CFAP126: variants seen among roughly 807,000 people sequenced by gnomAD.
CFAP126 encodes protein Flattop.
A neutral mutation model predicts 17.1 loss-of-function variants in CFAP126; 21 were observed. The observed-to-expected ratio is 1.23, with a 90% CI of 0.87 to 1.77. The LOEUF (loss-of-function observed/expected upper bound fraction) is 1.77. Ranked by LOEUF, CFAP126 falls within the 40% of genes most tolerant of loss-of-function variation. The probability of loss-of-function intolerance (pLI) is 0.00; values close to 1 mark genes in which losing one functional copy is unlikely to be tolerated. For missense variants in CFAP126, 174 were observed against 215.4 expected (o/e 0.81, Z 1.20); for synonymous variants, 65 against 73.5 (o/e 0.88, Z 0.59).
intron 1 of CFAP126, chr1:161,366,777 TTTTC>T: frequency 2.3e-6 from 1 of 437,604 alleles, no homozygotes; most frequent in Non-Finnish European, 4.0e-6. Context: ...AGTTTTTTTC[TTTTC>T]TTTTTTTTTT....
rs551537284 is a variant in CFAP126, at chr1:161,365,009, A to G, written c.490T>C (p.Ser164Pro). The G allele has an allele frequency of 5.6e-6, 9 of 1,614,130 alleles. No homozygotes were observed. In the South Asian group the frequency reaches 8.8e-5, roughly 16 times the overall value. Residue 164 changes from serine to proline, a missense_variant, in exon 5 of 5, where the codon TCT (serine) becomes CCT (proline). Ser to Pro is a moderately conservative substitution (Grantham distance 74). Coordinates refer to ENST00000367974, the MANE Select transcript of CFAP126 (RefSeq NM_001013625.4). ...SPDELQSSHPSAGHTPGPQRP... is the reference protein window; with the variant it reads ...SPDELQSSHPPAGHTPGPQRP... The stretch of plus-strand genomic sequence containing the variant: ...TGGGGACCTGGAGTATGACCTGCAG[A>G]GGGGTGTGAGCTTTGGAGTTCATCT...
At chr1:161,365,767 A>G (rs1018472327) in intron 3 of CFAP126, 65 bp from the exon 4 acceptor site, 3 of 1,371,060 alleles carry the variant, frequency 2.2e-6, no homozygotes, top group Non-Finnish European at 3.0e-6. Context: ...AGACCTCTGT[A>G]TTATTTCCTT....
rs1179016547 is a variant in CFAP126, at chr1:161,367,681, G to T, written c.27+161C>A. On this transcript the variant is annotated intron_variant, in intron 1 of 4. Coordinates refer to ENST00000367974, the MANE Select transcript of CFAP126 (RefSeq NM_001013625.4). ...CAAATTTAACCAAGAGATACCTTTG[G>T]ATCGCCCCTGGGCTCTCTCTATCCC... 6.8e-6 allele frequency: 4 copies of T among 587,240 alleles called. No individual in the cohort carries two copies. The East Asian group carries it at 1.2e-4, about 17-fold the overall frequency. 36.4% of individuals were successfully genotyped at this position (587,240 alleles called of 1,614,324 possible).
At position 161,367,855 on chromosome 1, in the gene CFAP126, T is replaced by A; in HGVS notation, c.14A>T (p.Tyr5Phe). ...ATGGGAACTTACCTGGTTGGCACTG[T>A]AGTTAGTGGCCATGATCTTGTGCTG... MATNYSANQYEKAFS... is the reference protein window; with the variant it reads MATNFSANQYEKAFS... The change falls in exon 1 of 5, where the codon TAC becomes TTC. Residue 5 changes from tyrosine to phenylalanine, a missense_variant. Transcript: ENST00000367974. 6.2e-7 allele frequency: 1 copy of A among 1,614,074 alleles called. No homozygotes were observed. Among genetic ancestry groups the A allele is most frequent in the Non-Finnish European group, 8.5e-7 (1 of 1,179,930 alleles).
chr1:161,365,342 G>A, intron 4 of CFAP126, 184 bp downstream of exon 4: 1 of 892,828 alleles, frequency 1.1e-6, no homozygotes, highest in Non-Finnish European at 1.7e-6. Context: ...TTCTACTGTT[G>A]GGGGTATGAT....
At position 161,364,994 on chromosome 1, in the gene CFAP126, G is replaced by A. The variant is rs765277909; in HGVS notation, c.505C>T (p.Pro169Ser). 3 of 1,614,188 alleles carry A rather than the reference G, an allele frequency of 1.9e-6. No homozygotes were observed. The highest frequency in any genetic ancestry group is 2.5e-6 in the Non-Finnish European group (3 of 1,180,032). Residue 169 changes from proline to serine, a missense_variant, in exon 5 of 5, where the codon CCA (proline) becomes TCA (serine). Coordinates refer to ENST00000367974, the MANE Select transcript of CFAP126 (RefSeq NM_001013625.4). The stretch of plus-strand genomic sequence containing the variant: ...GATTTGGCTGGTCTTTGGGGACCTG[G>A]AGTATGACCTGCAGAGGGGTGTGAG... Reference protein sequence around the residue: ...QSSHPSAGHTPGPQRPAKS With the variant: ...QSSHPSAGHTSGPQRPAKS
rs1338074540 is a variant in CFAP126, at chr1:161,365,585, G to C, written c.289C>G (p.Gln97Glu). The C allele has an allele frequency of 2.5e-6, 4 of 1,614,044 alleles. No individual in the cohort carries two copies. Among genetic ancestry groups the C allele is most frequent in the Middle Eastern group, 1.6e-4 (1 of 6,084 alleles). ...AGAASLTKWI[Q>E]KNPDLLKASN... ...GCCTTGAGTAAATCAGGATTTTTCT[G>C]TATCCATTTGGTGAGGGAGGCAGCA... Residue 97 changes from glutamine to glutamate, a missense_variant, in exon 4 of 5, where the codon CAG becomes GAG. By Grantham distance (29) the Gln-to-Glu change is conservative (BLOSUM62 2). Transcript: ENST00000367974.
intron 3 of CFAP126, 49 bp from the exon 4 acceptor site, chr1:161,365,751 T>A: frequency 3.4e-6 from 5 of 1,459,154 alleles, no homozygotes; most frequent in Non-Finnish European, 4.6e-6. Flanking sequence ...TCCCAGTAAC[T>A]GACTTAGACC....
intron 1 of CFAP126, chr1:161,367,370 A>G (rs1330419057): frequency 1.3e-5 from 2 of 154,214 alleles, no homozygotes; most frequent in African/African-American, 4.8e-5. Flanking sequence ...ATTTTTATAG[A>G]TGAACATTTA....
intron 2 of CFAP126, 42 bp downstream of exon 2, chr1:161,366,397 A>C: frequency 6.3e-7 from 1 of 1,592,444 alleles, no homozygotes; most frequent in Non-Finnish European, 8.6e-7. Flanking sequence ...ATTGACAGGG[A>C]GAGCATGAGG....
At chr1:161,365,384 G>T (rs1672692883) in intron 4 of CFAP126, 142 bp downstream of exon 4, 1 of 1,045,452 alleles carries the variant, frequency 9.6e-7, no homozygotes, top group Non-Finnish European at 1.4e-6. Flanking sequence ...GCCTCAGAAG[G>T]TGATTAAGGA....
chr1:161,365,843 AT>A, intron 3 of CFAP126, 141 bp from the exon 4 acceptor site: 2 of 834,404 alleles, frequency 2.4e-6, no homozygotes, highest in Non-Finnish European at 1.9e-6. Flanking sequence ...ACCCTTCCTT[AT>A]CCCCCTCCCT....
chr1:161,365,871 G>A (rs1199765066), intron 3 of CFAP126, 169 bp from the exon 4 acceptor site: 1 of 721,074 alleles, frequency 1.4e-6, no homozygotes, highest in Non-Finnish European at 2.2e-6. Context: ...GGCTTTGCAG[G>A]CCTAATTTTT....
chr1:161,364,892 T>G lies in CFAP126; in HGVS notation c.*73A>C. The G allele has an allele frequency of 7.0e-7, 1 of 1,424,282 alleles. No homozygotes were observed. Among genetic ancestry groups the G allele is most frequent in the Non-Finnish European group, 9.7e-7 (1 of 1,025,852 alleles). The allele number at this position is 1,424,282 out of a possible 1,614,324, so 88.2% of individuals were successfully genotyped here. A position where few individuals can be genotyped will look rare whatever the true frequency, so the allele number is the denominator to read the frequency against. ...CACTTGGTCCATATGAAGTTCCAGG[T>G]TTGTATTTCTGGACCTCAGCTAGAT... On this transcript the variant is annotated 3_prime_UTR_variant, in exon 5 of 5. Transcript: ENST00000367974.
At position 161,364,795 on chromosome 1, in the gene CFAP126, C is replaced by G. The variant is rs919545995; in HGVS notation, c.*170G>C. On this transcript the variant is annotated 3_prime_UTR_variant, in exon 5 of 5. Coordinates refer to ENST00000367974, the MANE Select transcript of CFAP126 (RefSeq NM_001013625.4). ...CTTTTACTCCCACCCCAAAATTTCCCTGTTTCACAGTTCTGACTGGGGGCT... is the reference window on the plus strand; with the variant it reads ...CTTTTACTCCCACCCCAAAATTTCCGTGTTTCACAGTTCTGACTGGGGGCT... The G allele has an allele frequency of 1.6e-6, 1 of 615,602 alleles. No individual in the cohort carries two copies. Among genetic ancestry groups the G allele is most frequent in the African/African-American group, 1.9e-5 (1 of 53,456 alleles). The allele number at this position is 615,602 out of a possible 1,614,324, so 38.1% of individuals were successfully genotyped here. A position where few individuals can be genotyped will look rare whatever the true frequency, so the allele number is the denominator to read the frequency against.
In CFAP126 at chr1:161,365,137, T is replaced by C; in HGVS notation, c.362A>G (p.Asp121Gly). The change falls in exon 5 of 5, where the codon GAC becomes GGC. Residue 121 changes from aspartate to glycine, a missense_variant. By Grantham distance (94) the Asp-to-Gly change is moderately conservative (BLOSUM62 -1). Transcript: ENST00000367974. ...PEILGKPHDPDSQKKLRKKSI... is the reference protein window; with the variant it reads ...PEILGKPHDPGSQKKLRKKSI... Reference sequence around the variant, plus strand: ...CTTCTTTCTGAGTTTCTTCTGACTGTCTGGATCATGGGGCTGTCAGTGATA... The same window carrying C: ...CTTCTTTCTGAGTTTCTTCTGACTGCCTGGATCATGGGGCTGTCAGTGATA... The C allele has an allele frequency of 6.2e-7, 1 of 1,614,102 alleles. No individual in the cohort carries two copies. Among genetic ancestry groups the C allele is most frequent in the Non-Finnish European group, 8.5e-7 (1 of 1,179,940 alleles).
chr1:161,367,611 G>A (rs956825608), intron 1 of CFAP126: 7 of 407,392 alleles, frequency 1.7e-5, no homozygotes, highest in Non-Finnish European at 2.6e-5. Context: ...TTTACACTCC[G>A]CCCTTTTACA....
Position 161,366,298 on chromosome 1 carries a change from G to A in CFAP126, c.91-20C>T, listed in dbSNP as rs772030794. The A allele has an allele frequency of 4.4e-6, 7 of 1,604,694 alleles. No individual in the cohort carries two copies. The South Asian group carries it at 4.4e-5, about 10-fold the overall frequency. On this transcript the variant is annotated intron_variant, in intron 2 of 4. Coordinates refer to ENST00000367974, the MANE Select transcript of CFAP126 (RefSeq NM_001013625.4). ...GATGCTCTGGGGTACAAGTGGGAGAGATAAAGGTTTGTGAGGGGAAAAAGG... is the reference window on the plus strand; with the variant it reads ...GATGCTCTGGGGTACAAGTGGGAGAAATAAAGGTTTGTGAGGGGAAAAAGG...
intron 3 of CFAP126, 132 bp from the exon 4 acceptor site, chr1:161,365,834 C>T (rs956913181): frequency 1.1e-6 from 1 of 889,436 alleles, no homozygotes; most frequent in Non-Finnish European, 1.7e-6. Context: ...AATCTTCCCA[C>T]CCTTCCTTAT....
Sources: allele counts gnomAD v4.1 joint callset, GRCh38; gene constraint gnomAD v4.1.1; transcripts MANE v1.5; gene names NCBI Gene and HGNC (gene_info 2026-07-23, HGNC 2026-07-21).